CAMK2B: variants seen among roughly 807,000 people sequenced by gnomAD.
The protein encoded by CAMK2B is calcium/calmodulin-dependent protein kinase type II subunit beta.
In CAMK2B, 27 loss-of-function variants were observed where a neutral mutation model predicts 93.7. That is an observed-to-expected ratio of 0.29 (90% confidence interval 0.21 to 0.40). CAMK2B has a LOEUF of 0.40. Among genes scored for constraint, CAMK2B ranks in the 10% least tolerant of loss-of-function variants. CAMK2B has a pLI of 1.00. For synonymous variants in CAMK2B, 374 were observed against 358.8 expected (o/e 1.04, Z -0.48); for missense variants, 568 against 895.8 (o/e 0.63, Z 4.67).
chr7:44,285,440 G>C (rs1272275477), intron 1 of CAMK2B, among the ~76,000 whole-genome samples: 2 of 152,140 alleles, frequency 1.3e-5, no homozygotes, highest in African/African-American at 4.8e-5. Context: ...AAAGTGCCCA[G>C]CCTCCCCCCT....
At chr7:44,266,901 ACC>A (rs2096925874) in intron 2 of CAMK2B, 2 of 151,722 alleles carry the variant, frequency 1.3e-5, no homozygotes, top group East Asian at 3.9e-4. Flanking sequence ...CCAAGAACCC[ACC>A]CCATCCAACA....
At chr7:44,307,632 G>A (rs1416740768) in intron 1 of CAMK2B, among the ~76,000 whole-genome samples, 1 of 152,076 alleles carries the variant, frequency 6.6e-6, no homozygotes, top group Non-Finnish European at 1.5e-5. Context: ...CTGGGACAAG[G>A]CTACGGTGCC....
intron 12 of CAMK2B, 57 bp from the exon 13 acceptor site, chr7:44,239,720 G>A (rs2096658917): frequency 1.7e-6 from 2 of 1,205,784 alleles, no homozygotes; most frequent in Middle Eastern, 2.1e-4. Flanking sequence ...CACAGACGAG[G>A]GGTGGGCGAG....
intron 1 of CAMK2B, among the ~76,000 whole-genome samples, chr7:44,304,762 T>C (rs1236226643): frequency 2.0e-5 from 3 of 152,166 alleles, no homozygotes; most frequent in South Asian, 2.1e-4. Flanking sequence ...TAGTTAATAA[T>C]ATATTAATAT....
intron 5 of CAMK2B, among the ~76,000 whole-genome samples, chr7:44,251,342 C>T (rs2096778690): frequency 6.6e-6 from 1 of 151,624 alleles, no homozygotes; most frequent in Non-Finnish European, 1.5e-5. Context: ...CCCACGGGTG[C>T]CTCTGTCAGA....
intron 3 of CAMK2B, 40 bp from the exon 4 acceptor site, chr7:44,258,966 C>A: frequency 1.3e-6 from 2 of 1,559,788 alleles, no homozygotes; most frequent in Non-Finnish European, 1.8e-6. Flanking sequence ...GGCAATAGCC[C>A]AGGACACACC....
intron 1 of CAMK2B, among the ~76,000 whole-genome samples, chr7:44,322,012 G>T (rs13307928): frequency 6.6e-6 from 1 of 152,174 alleles, no homozygotes; most frequent in Admixed American, 6.5e-5. Context: ...TCACACCTGC[G>T]CCCCAGACGC....
intron 4 of CAMK2B, among the ~76,000 whole-genome samples, chr7:44,258,595 T>A (rs989684633): frequency 2.0e-5 from 3 of 152,218 alleles, no homozygotes; most frequent in Non-Finnish European, 4.4e-5. Context: ...ACCCGCTGCC[T>A]CCAGTGTGCC....
rs1033366574 is a variant in CAMK2B at position 44,325,431 on chromosome 7, G to A, written c.-10C>T. 6 of 1,138,828 alleles carry A rather than the reference G, an allele frequency of 5.3e-6. No homozygotes were observed. The highest frequency in any genetic ancestry group is 6.6e-6 in the Non-Finnish European group (6 of 910,230). 70.5% of individuals were successfully genotyped at this position (1,138,828 alleles called of 1,614,324 possible). On this transcript the variant is annotated 5_prime_UTR_variant, in exon 1 of 24. Coordinates refer to ENST00000395749, the MANE Select transcript of CAMK2B (RefSeq NM_001220.5). ...TCACCGTGGTGGCCATGGCGGCGGC[G>A]GACGGGCTCGGCGTGCGCTCGGCTG...
chr7:44,226,858 G>A, intron 19 of CAMK2B, among the ~76,000 whole-genome samples: 1 of 50,554 alleles, frequency 2.0e-5, no homozygotes. Context: ...GGGAAAGAAG[G>A]GGATGTGGGG....
At chr7:44,318,804 A>C (rs1012519528) in intron 1 of CAMK2B, among the ~76,000 whole-genome samples, 1 of 152,230 alleles carries the variant, frequency 6.6e-6, no homozygotes, top group Non-Finnish European at 1.5e-5. Context: ...ATTCAACAAA[A>C]GCTTCTGTCT....
At chr7:44,318,783 T>C (rs1016633529) in intron 1 of CAMK2B, among the ~76,000 whole-genome samples, 15 of 152,264 alleles carry the variant, frequency 9.9e-5, no homozygotes, top group African/African-American at 1.7e-4. Context: ...TTGTTGCCAA[T>C]CTGTTCTAGA....
At chr7:44,254,654 A>C in intron 4 of CAMK2B, 47 bp from the exon 5 acceptor site, 1 of 1,320,594 alleles carries the variant, frequency 7.6e-7, no homozygotes, top group African/African-American at 1.5e-5. Flanking sequence ...GACCCCTGTC[A>C]CACTGCACTG....
chr7:44,263,819 A>T (rs550902746), intron 2 of CAMK2B: 4 of 154,366 alleles, frequency 2.6e-5, no homozygotes, highest in Admixed American at 1.3e-4. Context: ...GGAGGACTCC[A>T]TGCGCTGCAG....
chr7:44,247,942 T>C (rs542596732), intron 5 of CAMK2B, among the ~76,000 whole-genome samples: 1 of 152,050 alleles, frequency 6.6e-6, no homozygotes, highest in South Asian at 2.1e-4. Context: ...GAAGGGAGAA[T>C]TGCTTGAACC....
intron 1 of CAMK2B, among the ~76,000 whole-genome samples, chr7:44,306,195 T>C (rs765561501): frequency 5.3e-5 from 8 of 152,012 alleles, no homozygotes; most frequent in Non-Finnish European, 1.0e-4. Flanking sequence ...CCAGTCTGAC[T>C]GGGGGTTCTG....
chr7:44,255,974 CCCTTT>C (rs1477870117), intron 4 of CAMK2B, among the ~76,000 whole-genome samples: 1 of 151,020 alleles, frequency 6.6e-6, no homozygotes. Context: ...ACTGGGTGTT[CCCTTT>C]CCTTTCCCCA....
At chr7:44,254,344 G>A (rs1376298798) in intron 5 of CAMK2B, among the ~76,000 whole-genome samples, 198 bp downstream of exon 5, 4 of 152,230 alleles carry the variant, frequency 2.6e-5, no homozygotes, top group South Asian at 2.1e-4. Context: ...GGCCTTGGGC[G>A]TGGAGGGGAG....
chr7:44,243,144 C>A, intron 8 of CAMK2B, 106 bp downstream of exon 8: 1 of 855,088 alleles, frequency 1.2e-6, no homozygotes, highest in East Asian at 2.6e-5. Context: ...CACAGATAAA[C>A]CCAGATGAGA....
Sources: allele counts gnomAD v4.1 joint callset (sites outside exome capture counted in the v4.1 genomes callset), GRCh38; gene constraint gnomAD v4.1.1; transcripts MANE v1.5; gene names NCBI Gene and HGNC (gene_info 2026-07-23, HGNC 2026-07-21).